TNKS: variants seen among roughly 807,000 people sequenced by gnomAD.
TNKS encodes the protein poly [ADP-ribose] polymerase tankyrase-1.
Under a neutral mutation model 135.8 loss-of-function variants are expected in TNKS, and 72 were observed. The observed-to-expected ratio is 0.53, with a 90% confidence interval of 0.44 to 0.64. The LOEUF is 0.64. TNKS is among the 30% of genes least tolerant of loss of function. TNKS has a pLI of 0.00. For synonymous variants in TNKS, 849 were observed against 649.3 expected (o/e 1.31, Z -4.68); for missense variants, 1,769 against 1,674.0 (o/e 1.06, Z -0.99).
intron 11 of TNKS, among the ~76,000 whole-genome samples, chr8:9,715,559 C>T (rs913489235): frequency 1.3e-5 from 2 of 152,018 alleles, no homozygotes; most frequent in Non-Finnish European, 1.5e-5. Context: ...TCCCAGTGCC[C>T]GTGACCAAAT....
At chr8:9,612,837 A>G (rs1799511853) in intron 2 of TNKS, among the ~76,000 whole-genome samples, 1 of 137,682 alleles carries the variant, frequency 7.3e-6, no homozygotes, top group South Asian at 2.3e-4. Flanking sequence ...TCGATAACAT[A>G]AACAGTCAAC....
At chr8:9,618,371 T>C (rs1313750452) in intron 3 of TNKS, among the ~76,000 whole-genome samples, 1 of 152,176 alleles carries the variant, frequency 6.6e-6, no homozygotes, top group East Asian at 1.9e-4. Context: ...CCCTAGCACA[T>C]GGCCATTGGT....
intron 13 of TNKS, among the ~76,000 whole-genome samples, chr8:9,729,215 G>C (rs905237356): frequency 6.6e-6 from 1 of 152,164 alleles, no homozygotes; most frequent in Non-Finnish European, 1.5e-5. Flanking sequence ...GGAAGAGTCC[G>C]CATGACCCAG....
intron 11 of TNKS, among the ~76,000 whole-genome samples, chr8:9,718,225 C>T (rs1804704876): frequency 6.7e-6 from 1 of 149,206 alleles, no homozygotes; most frequent in Non-Finnish European, 1.5e-5. Context: ...AATGCAGTGT[C>T]ACTCTAGCTA....
chr8:9,770,324 C>G, intron 26 of TNKS, 62 bp downstream of exon 26: 2 of 1,506,110 alleles, frequency 1.3e-6, no homozygotes, highest in Non-Finnish European at 1.8e-6. Flanking sequence ...GCACAGAGAC[C>G]GTGTAAGACT....
rs1376917633 is a variant in TNKS, at chr8:9,679,755, G to A, written c.995-196G>A. ...ATCTGAGGATTGGACAAGAAGCTGC[G>A]TCAATTTGCTGCCCGTCTCCAAGGC... On this transcript the variant is annotated intron_variant, in intron 3 of 26. Coordinates refer to ENST00000310430, the MANE Select transcript of TNKS (RefSeq NM_003747.3). 8 of 509,400 alleles carry A rather than the reference G, an allele frequency of 1.6e-5. No individual in the cohort carries two copies. The South Asian group carries it at 2.4e-4, about 15-fold the overall frequency. 31.6% of individuals were successfully genotyped at this position (509,400 alleles called of 1,614,324 possible). A position where few individuals can be genotyped will look rare whatever the true frequency, so the allele number is the denominator to read the frequency against.
At chr8:9,767,433 G>A (rs535875797) in intron 25 of TNKS, among the ~76,000 whole-genome samples, 56 of 152,246 alleles carry the variant, frequency 3.7e-4, no homozygotes, top group Non-Finnish European at 5.3e-4. Flanking sequence ...AACAAGCCAG[G>A]TTAATAAGAT....
At chr8:9,718,129 A>T (rs529896174) in intron 11 of TNKS, among the ~76,000 whole-genome samples, 1 of 152,276 alleles carries the variant, frequency 6.6e-6, no homozygotes, top group South Asian at 2.1e-4. Context: ...TGGAGAACCT[A>T]TCATTTGTTC....
intron 3 of TNKS, among the ~76,000 whole-genome samples, chr8:9,629,303 C>T (rs113779842): frequency 2.9e-4 from 44 of 152,312 alleles, no homozygotes; most frequent in African/African-American, 9.9e-4. Context: ...GACATTGCAG[C>T]CCAGCTGTAG....
At chr8:9,629,582 T>G (rs1383856410) in intron 3 of TNKS, among the ~76,000 whole-genome samples, 1 of 152,250 alleles carries the variant, frequency 6.6e-6, no homozygotes, top group Non-Finnish European at 1.5e-5. Context: ...CTTGGGTTCT[T>G]TTTCTACCTT....
intron 3 of TNKS, among the ~76,000 whole-genome samples, chr8:9,653,557 G>A (rs766963442): frequency 5.3e-5 from 8 of 151,858 alleles, no homozygotes; most frequent in Admixed American, 1.3e-4. Flanking sequence ...CGCCAAGCAT[G>A]AGAGGCAACC....
chr8:9,598,619 C>T (rs1798881761), intron 2 of TNKS, among the ~76,000 whole-genome samples: 1 of 150,420 alleles, frequency 6.6e-6, no homozygotes, highest in Admixed American at 6.6e-5. Context: ...TCAACTGAGC[C>T]AGTGATGCGG....
chr8:9,575,312 C>G (rs546449467), intron 1 of TNKS: 1 of 803,212 alleles, frequency 1.2e-6, no homozygotes, highest in Admixed American at 6.2e-5. Context: ...GTCTCGATTT[C>G]CTGACCTCGT....
chr8:9,697,859 T>TA (rs2128804496), intron 5 of TNKS, among the ~76,000 whole-genome samples: 1 of 152,194 alleles, frequency 6.6e-6, no homozygotes, highest in South Asian at 2.1e-4. Flanking sequence ...TTTCTCAACT[T>TA]AAAACAGAGC....
intron 5 of TNKS, among the ~76,000 whole-genome samples, chr8:9,702,428 A>G (rs892070974): frequency 1.3e-5 from 2 of 152,184 alleles, no homozygotes; most frequent in African/African-American, 2.4e-5. Context: ...CCACAGGGGA[A>G]AAAACACATG....
intron 2 of TNKS, among the ~76,000 whole-genome samples, chr8:9,582,503 C>T (rs535457268): frequency 6.6e-5 from 10 of 152,236 alleles, no homozygotes; most frequent in African/African-American, 2.2e-4. Context: ...AAAGCTAGAG[C>T]CCAGCCAAGC....
At chr8:9,769,076 C>CATTTT (rs1375506677) in intron 25 of TNKS, among the ~76,000 whole-genome samples, 1 of 152,204 alleles carries the variant, frequency 6.6e-6, no homozygotes. Flanking sequence ...GATTAGCAGA[C>CATTTT]ATTTTCTTTA....
chr8:9,709,968 C>G lies in TNKS; in HGVS notation c.1592C>G (p.Ala531Gly). 6.2e-7 allele frequency: 1 copy of G among 1,613,564 alleles called. No homozygotes were observed. Among genetic ancestry groups the G allele is most frequent in the Middle Eastern group, 1.7e-4 (1 of 5,796 alleles). ...SHETALHCAV[A>G]SLHPKRKQVT... ...TTTACTTTATAGCACTGTGCTGTGG[C>G]CTCTCTGCATCCCAAACGTAAACAA... The change falls in exon 10 of 27, where the codon GCC becomes GGC. Residue 531 changes from alanine to glycine, a missense_variant. Physicochemically the swap from Ala to Gly is moderately conservative, Grantham distance 60. Transcript: ENST00000310430.
At chr8:9,664,758 A>T (rs541318166) in intron 3 of TNKS, among the ~76,000 whole-genome samples, 8 of 152,372 alleles carry the variant, frequency 5.3e-5, no homozygotes, top group African/African-American at 1.9e-4. Flanking sequence ...GTTCAATTTT[A>T]TATAATTAAC....
Sources: allele counts gnomAD v4.1 joint callset (sites outside exome capture counted in the v4.1 genomes callset), GRCh38; gene constraint gnomAD v4.1.1; transcripts MANE v1.5; gene names NCBI Gene and HGNC (gene_info 2026-07-23, HGNC 2026-07-21).